ADGRL3: variants seen among roughly 807,000 people sequenced by gnomAD.
The protein encoded by ADGRL3 is calcium-independent alpha-latrotoxin receptor 3.
Under a neutral mutation model 153.5 loss-of-function variants are expected in ADGRL3, and 62 were observed. That is an observed-to-expected ratio of 0.40 (90% CI 0.33 to 0.50). The LOEUF is 0.50. Ranked by LOEUF, ADGRL3 falls within the 20% of genes least tolerant of loss-of-function variation. ADGRL3 has a pLI of 0.47. For synonymous variants in ADGRL3, 710 were observed against 672.5 expected, an observed-to-expected ratio of 1.06 and a Z score of -0.86; for missense variants, 1,641 against 1,859.4, an observed-to-expected ratio of 0.88 and a Z score of 2.16.
intron 9 of ADGRL3, among the ~76,000 whole-genome samples, chr4:61,841,525 A>G (rs1226624067): frequency 6.6e-6 from 1 of 152,202 alleles, no homozygotes; most frequent in Non-Finnish European, 1.5e-5. Context: ...GATTTTGAAA[A>G]TGGAAGGTGA....
At chr4:61,630,007 A>C (rs1428454380) in intron 5 of ADGRL3, among the ~76,000 whole-genome samples, 1 of 152,070 alleles carries the variant, frequency 6.6e-6, no homozygotes, top group South Asian at 2.1e-4. Flanking sequence ...AACACCCCAG[A>C]GTGCGAGCCA....
intron 2 of ADGRL3, among the ~76,000 whole-genome samples, chr4:61,442,415 G>A (rs2152474633): frequency 6.6e-6 from 1 of 152,270 alleles, no homozygotes; most frequent in South Asian, 2.1e-4. Context: ...GTAAAAGGGA[G>A]CCATTCGATT....
rs148980549 is a variant in ADGRL3, at chr4:61,803,536, C to T, written c.1400-10273C>T. ...CACTCATTCACTCACTCTTTCTTTGCTTTAGTAAGAGCTACCTTGAAATGT... is the reference window on the plus strand; with the variant it reads ...CACTCATTCACTCACTCTTTCTTTGTTTTAGTAAGAGCTACCTTGAAATGT... On this transcript the variant is annotated intron_variant, in intron 8 of 26. Transcript: ENST00000683033. Among the ~76,000 whole-genome samples, 599 of 152,110 alleles carry T rather than the reference C, an allele frequency of 3.9e-3. 3 individuals are homozygous for T. Among genetic ancestry groups the T allele is most frequent in the African/African-American group, 0.014 (562 of 41,496 alleles).
chr4:61,783,865 C>T (rs2152396103), intron 8 of ADGRL3, among the ~76,000 whole-genome samples: 1 of 152,088 alleles, frequency 6.6e-6, no homozygotes, highest in South Asian at 2.1e-4. Flanking sequence ...AGCAAAATCT[C>T]ATATGACACT....
In ADGRL3 at chr4:61,623,475, CT is replaced by C. The variant is rs569838535; in HGVS notation, c.473+36036del. Among the ~76,000 whole-genome samples the C allele has an allele frequency of 5.6e-3, 852 of 152,232 alleles. 12 individuals are homozygous for C. The highest frequency in any genetic ancestry group is 0.03 in the South Asian group (146 of 4,826). On this transcript the variant is annotated intron_variant, in intron 5 of 26. Coordinates refer to ENST00000683033, the MANE Select transcript of ADGRL3 (RefSeq NM_001387552.1). ...ATATGAATGAAAAACAGAAAATACT[CT>C]ATCACCTTATTTTGTGAAGTTTGAA...
chr4:61,308,793 T>C (rs997055761), intron 1 of ADGRL3, among the ~76,000 whole-genome samples: 1 of 152,182 alleles, frequency 6.6e-6, no homozygotes, highest in African/African-American at 2.4e-5. Context: ...CTTTGAAACC[T>C]TCTCATCATT....
intron 2 of ADGRL3, among the ~76,000 whole-genome samples, chr4:61,434,736 A>G (rs1232182677): frequency 2.0e-5 from 3 of 152,088 alleles, no homozygotes; most frequent in East Asian, 1.9e-4. Context: ...AATAATTTCA[A>G]AATTAACCAA....
In ADGRL3 at chr4:62,070,581, G is replaced by A; in HGVS notation, c.4305G>A (p.Leu1435=). ...PQDHSESFFP[L]LTNEHTEDLQ... is the part of the protein sequence containing the mutation. Reference sequence around the variant, plus strand: ...ACCACAGTGAGAGCTTTTTCCCTTTGCTAACCAACGAGCACACAGAAGATC... The same window carrying A: ...ACCACAGTGAGAGCTTTTTCCCTTTACTAACCAACGAGCACACAGAAGATC... The change falls in exon 27 of 27, where the codon TTG becomes TTA. Residue 1435 remains leucine (L), a synonymous_variant. Coordinates refer to ENST00000683033, the MANE Select transcript of ADGRL3 (RefSeq NM_001387552.1). 6.4e-7 allele frequency: 1 copy of A among 1,551,160 alleles called. No individual in the cohort carries two copies. Among genetic ancestry groups the A allele is most frequent in the Non-Finnish European group, 8.7e-7 (1 of 1,146,932 alleles).
At chr4:61,378,631 C>G (rs752398852) in intron 1 of ADGRL3, among the ~76,000 whole-genome samples, 1 of 151,902 alleles carries the variant, frequency 6.6e-6, no homozygotes, top group South Asian at 2.1e-4. Flanking sequence ...AACCCAAGCT[C>G]GCTGTTATGG....
Position 61,673,470 on chromosome 4 carries a change from C to T in ADGRL3, c.474-3356C>T, listed in dbSNP as rs181829821. ...TTAAAAATAAACAATGAAACTAAAG[C>T]ATTTGAGAACATTAGATTACTTTAT... On this transcript the variant is annotated intron_variant, in intron 5 of 26. Coordinates refer to ENST00000683033, the MANE Select transcript of ADGRL3 (RefSeq NM_001387552.1). Among the ~76,000 whole-genome samples, 14 of 151,734 alleles carry T rather than the reference C, an allele frequency of 9.2e-5. No individual in the cohort carries two copies. In the East Asian group the frequency reaches 2.3e-3, roughly 25 times the overall value.
chr4:61,432,570 CTTCCTTTCTTTCTTTCTT>C (rs1400680080), intron 2 of ADGRL3, among the ~76,000 whole-genome samples: 6,168 of 71,470 alleles, frequency 0.086, 1,912 homozygotes, highest in East Asian at 0.16. Context: ...TTTTCTTTCT[CTTCCTTTCTTTCTTTCTT>C]TCTTTCTTTC....
At chr4:61,860,819 A>G (rs1403486694) in intron 9 of ADGRL3, among the ~76,000 whole-genome samples, 7 of 152,190 alleles carry the variant, frequency 4.6e-5, no homozygotes, top group African/African-American at 1.7e-4. Flanking sequence ...AGTTATTATT[A>G]TCATCATCCT....
intron 2 of ADGRL3, among the ~76,000 whole-genome samples, chr4:61,446,330 A>G (rs946401992): frequency 4.6e-5 from 7 of 152,160 alleles, no homozygotes; most frequent in African/African-American, 1.4e-4. Flanking sequence ...AGCCTTTTCT[A>G]TTCTTCTAGC....
At chr4:61,338,534 G>T (rs1453418170) in intron 1 of ADGRL3, among the ~76,000 whole-genome samples, 1 of 151,964 alleles carries the variant, frequency 6.6e-6, no homozygotes, top group African/African-American at 2.4e-5. Context: ...ATAGTTTGAG[G>T]ATCACTAAGA....
chr4:61,738,682 T>G (rs1257348296), intron 8 of ADGRL3, among the ~76,000 whole-genome samples: 1 of 152,208 alleles, frequency 6.6e-6, no homozygotes, highest in Non-Finnish European at 1.5e-5. Context: ...GACTTTTAAT[T>G]GTCACATTTT....
At chr4:61,745,591 T>G (rs979750410) in intron 8 of ADGRL3, among the ~76,000 whole-genome samples, 3 of 152,122 alleles carry the variant, frequency 2.0e-5, no homozygotes, top group Non-Finnish European at 4.4e-5. Context: ...AACCCAGAAT[T>G]TCATATCCAG....
At chr4:61,432,044 A>C (rs1158002614) in intron 2 of ADGRL3, among the ~76,000 whole-genome samples, 5 of 152,226 alleles carry the variant, frequency 3.3e-5, no homozygotes, top group Non-Finnish European at 7.3e-5. Context: ...TTGCAGAATC[A>C]GTTGCCTTGC....
At chr4:61,236,136 A>C (rs189513519) in intron 1 of ADGRL3, among the ~76,000 whole-genome samples, 6 of 149,220 alleles carry the variant, frequency 4.0e-5, no homozygotes, top group Non-Finnish European at 5.9e-5. Flanking sequence ...CAACCTCCCA[A>C]GTAGGTGGGA....
intron 1 of ADGRL3, among the ~76,000 whole-genome samples, chr4:61,356,121 C>A (rs2151408498): frequency 6.6e-6 from 1 of 151,970 alleles, no homozygotes; most frequent in South Asian, 2.1e-4. Flanking sequence ...TGTGATAAAT[C>A]CATTTTTATT....
Sources: allele counts gnomAD v4.1 joint callset (sites outside exome capture counted in the v4.1 genomes callset), GRCh38; gene constraint gnomAD v4.1.1; transcripts MANE v1.5; gene names NCBI Gene and HGNC (gene_info 2026-07-23, HGNC 2026-07-21).